The following KIF3C variants were observed in gnomAD, a reference collection of about 807,000 sequenced individuals.
The protein encoded by KIF3C is kinesin family member 3C.
KIF3C carries 12 observed loss-of-function variants against 67.7 expected under a neutral mutation model. That is an observed-to-expected ratio of 0.18 (90% confidence interval 0.11 to 0.29). The LOEUF is 0.29. Ranked by LOEUF, KIF3C falls within the 10% of genes least tolerant of loss-of-function variation. KIF3C has a pLI of 1.00. For synonymous variants in KIF3C, 393 were observed against 426.2 expected (o/e 0.92, Z 0.96); for missense variants, 789 against 1,059.6 (o/e 0.74, Z 3.55).
At chr2:25,939,877 G>C (rs1238726838) in intron 5 of KIF3C, among the ~76,000 whole-genome samples, 1 of 152,126 alleles carries the variant, frequency 6.6e-6, no homozygotes, top group East Asian at 1.9e-4. Context: ...TTGAACCTGT[G>C]AGGTGGAGGT....
chr2:25,930,359 T>C (rs1437795653), intron 5 of KIF3C, among the ~76,000 whole-genome samples: 2 of 152,114 alleles, frequency 1.3e-5, no homozygotes, highest in African/African-American at 2.4e-5. Flanking sequence ...GAGTATATTG[T>C]GTTTTTGTTG....
chr2:25,949,799 G>C (rs191492178), intron 5 of KIF3C, among the ~76,000 whole-genome samples: 4,430 of 151,220 alleles, frequency 0.029, 93 homozygotes, highest in African/African-American at 0.065. Context: ...GTGAAACCCC[G>C]TCTCTACTAA....
chr2:25,973,672 G>A (rs1186917200), intron 1 of KIF3C, among the ~76,000 whole-genome samples: 1 of 151,868 alleles, frequency 6.6e-6, no homozygotes, highest in Non-Finnish European at 1.5e-5. Flanking sequence ...TCTTGAAACA[G>A]CCCAATTTTA....
At chr2:25,957,160 C>A (rs1487885033) in intron 1 of KIF3C, among the ~76,000 whole-genome samples, 2 of 152,160 alleles carry the variant, frequency 1.3e-5, no homozygotes, top group African/African-American at 2.4e-5. Flanking sequence ...TGAGCTAAGC[C>A]TTTAACACCA....
At chr2:25,971,108 T>TA (rs1664272852) in intron 1 of KIF3C, among the ~76,000 whole-genome samples, 1 of 151,516 alleles carries the variant, frequency 6.6e-6, no homozygotes, top group Non-Finnish European at 1.5e-5. Context: ...CCGTCTTTAC[T>TA]AAAAATACAA....
chr2:25,956,292 A>T, intron 2 of KIF3C, 51 bp downstream of exon 2: 1 of 1,354,246 alleles, frequency 7.4e-7, no homozygotes. Context: ...CCTCCCAGAC[A>T]TGAGCTGCAG....
chr2:25,937,478 GGA>G (rs2149223965), intron 5 of KIF3C, among the ~76,000 whole-genome samples: 1 of 152,328 alleles, frequency 6.6e-6, no homozygotes, highest in East Asian at 1.9e-4. Flanking sequence ...GTGCCCGTGA[GGA>G]GAGGCAGCCT....
intron 1 of KIF3C, among the ~76,000 whole-genome samples, chr2:25,963,419 G>C (rs1419042133): frequency 6.7e-6 from 1 of 148,692 alleles, no homozygotes; most frequent in Non-Finnish European, 1.5e-5. Context: ...TGTTGCCCAG[G>C]CTGGCTCAAG....
Position 25,938,625 on chromosome 2 carries a change from G to C in KIF3C, c.2007-8562C>G, listed in dbSNP as rs533436031. Among the ~76,000 whole-genome samples, 698 of 152,290 alleles carry C rather than the reference G, an allele frequency of 4.6e-3. 4 individuals carry two copies. Among genetic ancestry groups the C allele is most frequent in the Non-Finnish European group, 7.6e-3 (518 of 68,026 alleles). ...ATTCTGGGTGGCATGTGGGAGAGAA[G>C]GGTTGGGGGAAGGGAGTCTGTAATT... On this transcript the variant is annotated intron_variant, in intron 5 of 7. Transcript: ENST00000264712.
intron 5 of KIF3C, among the ~76,000 whole-genome samples, chr2:25,946,413 G>A (rs1189026903): frequency 1.3e-5 from 2 of 152,060 alleles, no homozygotes; most frequent in Non-Finnish European, 2.9e-5. Flanking sequence ...AAATTAGGCC[G>A]GGCATGGTGG....
Position 25,981,939 on chromosome 2 carries a change from C to T in KIF3C, c.-22G>A. The stretch of plus-strand genomic sequence containing the variant: ...CCATCTTGCTGCTCTGACCTTCCTG[C>T]CCCCGAGCCCCTCCGCAGCCTGGGC... On this transcript the variant is annotated 5_prime_UTR_variant, in exon 1 of 8. Coordinates refer to ENST00000264712, the MANE Select transcript of KIF3C (RefSeq NM_002254.8). The surrounding 1 kb of genome is among the most constrained non-coding windows in gnomAD (Gnocchi z 8.2). The T allele has an allele frequency of 2.7e-6, 4 of 1,507,646 alleles. No homozygotes were observed. The highest frequency in any genetic ancestry group is 1.4e-5 in the African/African-American group (1 of 72,242). 93.4% of individuals were successfully genotyped at this position (1,507,646 alleles called of 1,614,324 possible). A position where few individuals can be genotyped will look rare whatever the true frequency, so the allele number is the denominator to read the frequency against.
In KIF3C at chr2:25,958,129, A is replaced by C. The variant is rs1363796747; in HGVS notation, c.1546-1685T>G. ...GTCAAGGCCATCAAATCTGCTCCTC[A>C]GTGCGGCTCCCACCACCCCCCATTT... On this transcript the variant is annotated intron_variant, in intron 1 of 7. Transcript: ENST00000264712. This position sits in a 1 kb window ranked among gnomAD's most constrained non-coding sequence, Gnocchi z 4.5. Among the ~76,000 whole-genome samples, 1 of 151,950 alleles carries C rather than the reference A, an allele frequency of 6.6e-6. No homozygotes were observed.
At chr2:25,959,068 C>A (rs1316686636) in intron 1 of KIF3C, among the ~76,000 whole-genome samples, 1 of 152,138 alleles carries the variant, frequency 6.6e-6, no homozygotes, top group Non-Finnish European at 1.5e-5. Flanking sequence ...GAGCAAAACT[C>A]CGTCTCAAAA....
intron 1 of KIF3C, among the ~76,000 whole-genome samples, chr2:25,966,675 C>T (rs1664148163): frequency 6.6e-6 from 1 of 152,198 alleles, no homozygotes; most frequent in African/African-American, 2.4e-5. Flanking sequence ...TGGAGACAGC[C>T]AGGCCCAGCC....
At chr2:25,939,169 T>G (rs1220665135) in intron 5 of KIF3C, among the ~76,000 whole-genome samples, 2 of 152,166 alleles carry the variant, frequency 1.3e-5, no homozygotes, top group Admixed American at 6.6e-5. Context: ...GGTTTTGCCA[T>G]GTTGGCCAGG....
Position 25,931,384 on chromosome 2 carries a change from G to C in KIF3C, c.2007-1321C>G, listed in dbSNP as rs557928373. Among the ~76,000 whole-genome samples, 16 of 152,158 alleles carry C rather than the reference G, an allele frequency of 1.1e-4. No homozygotes were observed. The East Asian group carries it at 2.5e-3, about 24-fold the overall frequency. ...GAGGCAGGAGAATTGCTTGAACCTG[G>C]GAGGCGGAGGTTGTGGTGAGCCAAG... is the stretch of plus-strand genomic sequence containing the variant. On this transcript the variant is annotated intron_variant, in intron 5 of 7. Coordinates refer to ENST00000264712, the MANE Select transcript of KIF3C (RefSeq NM_002254.8).
chr2:25,965,664 G>C (rs1664123085), intron 1 of KIF3C, among the ~76,000 whole-genome samples: 1 of 151,662 alleles, frequency 6.6e-6, no homozygotes, highest in African/African-American at 2.4e-5. Flanking sequence ...TATGAGGATA[G>C]GGAGGGACAG....
intron 5 of KIF3C, among the ~76,000 whole-genome samples, chr2:25,938,082 G>A (rs1001977436): frequency 6.6e-6 from 1 of 151,142 alleles, no homozygotes; most frequent in Non-Finnish European, 1.5e-5. Flanking sequence ...TTATTTTGTG[G>A]CTGGGCACAG....
At chr2:25,971,975 C>T (rs1382045829) in intron 1 of KIF3C, among the ~76,000 whole-genome samples, 1 of 146,764 alleles carries the variant, frequency 6.8e-6, no homozygotes, top group Non-Finnish European at 1.5e-5. Context: ...GATCCTCCTA[C>T]CTCACCCTCC....
Sources: allele counts gnomAD v4.1 joint callset (sites outside exome capture counted in the v4.1 genomes callset), GRCh38; gene constraint gnomAD v4.1.1; non-coding constraint Gnocchi (gnomAD v3.1); transcripts MANE v1.5; gene names NCBI Gene and HGNC (gene_info 2026-07-23, HGNC 2026-07-21).